EPB41L4B: variants seen among roughly 807,000 people sequenced by gnomAD.
The protein encoded by EPB41L4B is band 4.1-like protein 4B.
In EPB41L4B, 30 loss-of-function variants were observed where a neutral mutation model predicts 112.5. The ratio of observed to expected loss-of-function variants is 0.27; its 90% confidence interval spans 0.20 to 0.36. The LOEUF is 0.36. Among genes scored for constraint, EPB41L4B ranks in the 10% least tolerant of loss-of-function variants. The pLI is 1.00. For synonymous variants in EPB41L4B, 408 were observed against 439.7 expected, an observed-to-expected ratio of 0.93 and a Z score of 0.90; for missense variants, 1,024 against 1,133.3, an observed-to-expected ratio of 0.90 and a Z score of 1.38.
intron 19 of EPB41L4B, among the ~76,000 whole-genome samples, chr9:109,200,654 T>C (rs1387682124): frequency 6.6e-6 from 1 of 152,124 alleles, no homozygotes; most frequent in African/African-American, 2.4e-5. Context: ...TGAACCAGAA[T>C]GAGGGTTTGG....
intron 15 of EPB41L4B, chr9:109,241,509 A>G: frequency 1.4e-6 from 2 of 1,453,330 alleles, no homozygotes; most frequent in Non-Finnish European, 1.8e-6. Context: ...TAGTGGTTTT[A>G]TCTTCAAATA....
At chr9:109,245,019 A>T (rs764777382) in intron 14 of EPB41L4B, among the ~76,000 whole-genome samples, 1 of 152,220 alleles carries the variant, frequency 6.6e-6, no homozygotes, top group African/African-American at 2.4e-5. Context: ...GTCAGCAAGC[A>T]GACTCTGCAG....
intron 1 of EPB41L4B, among the ~76,000 whole-genome samples, chr9:109,294,383 G>A (rs375546042): frequency 1.3e-5 from 2 of 151,878 alleles, no homozygotes; most frequent in Non-Finnish European, 2.9e-5. Context: ...TTGGGAGGCC[G>A]AGGTAGGTGG....
rs557317827 is a variant in EPB41L4B at position 109,188,774 on chromosome 9, A to G, written c.2302-3169T>C. ...TTCCAGACACATGAACTTTTGACTA[A>G]CATGTCATGGCCCAGAAGGGATCTG... is the stretch of plus-strand genomic sequence containing the variant. On this transcript the variant is annotated intron_variant, in intron 22 of 25. Transcript: ENST00000374566. 2.0e-5 allele frequency among the ~76,000 whole-genome samples: 3 copies of G among 152,234 alleles called. No homozygotes were observed. The South Asian group carries it at 6.2e-4, about 32-fold the overall frequency.
At chr9:109,267,093 A>G (rs1835434800) in intron 4 of EPB41L4B, among the ~76,000 whole-genome samples, 1 of 152,220 alleles carries the variant, frequency 6.6e-6, no homozygotes, top group Non-Finnish European at 1.5e-5. Context: ...GTAACAATCA[A>G]GAGAATATTT....
At chr9:109,192,470 A>G (rs1334721305) in intron 21 of EPB41L4B, 115 bp from the exon 22 acceptor site, 4 of 645,466 alleles carry the variant, frequency 6.2e-6, no homozygotes, top group Non-Finnish European at 1.0e-5. Flanking sequence ...CTCATTAGCA[A>G]TGACAATCCC....
chr9:109,289,341 C>T (rs1417577249), intron 1 of EPB41L4B, among the ~76,000 whole-genome samples: 1 of 152,214 alleles, frequency 6.6e-6, no homozygotes, highest in Non-Finnish European at 1.5e-5. Context: ...CTAGGATGCC[C>T]TTCTCCCGCA....
chr9:109,285,176 G>A (rs1836223470), intron 1 of EPB41L4B, among the ~76,000 whole-genome samples: 1 of 152,202 alleles, frequency 6.6e-6, no homozygotes, highest in Non-Finnish European at 1.5e-5. Flanking sequence ...TTTGGTTCTG[G>A]GCTGACCATC....
At chr9:109,242,951 G>C (rs1159889762) in intron 15 of EPB41L4B, among the ~76,000 whole-genome samples, 1 of 151,600 alleles carries the variant, frequency 6.6e-6, no homozygotes, top group African/African-American at 2.4e-5. Context: ...TGGGGCCAAG[G>C]TTGGTAAATG....
At chr9:109,223,285 A>G (rs1050572442) in intron 15 of EPB41L4B, among the ~76,000 whole-genome samples, 2 of 151,948 alleles carry the variant, frequency 1.3e-5, no homozygotes, top group African/African-American at 4.8e-5. Flanking sequence ...AACAACAAAA[A>G]ATTAACCCGG....
At position 109,208,669 on chromosome 9, in the gene EPB41L4B, G is replaced by C. The variant is rs538377525; in HGVS notation, c.1753-620C>G. Among the ~76,000 whole-genome samples the C allele has an allele frequency of 3.6e-4, 55 of 152,186 alleles. 1 individual carries two copies. Among genetic ancestry groups the C allele is most frequent in the African/African-American group, 1.3e-3 (54 of 41,492 alleles). ...TACCCTGGGACCACCTATTTGAACT[G>C]TGTCCAAAGCAATAATATCTTTGAA... is the stretch of plus-strand genomic sequence containing the variant. On this transcript the variant is annotated intron_variant, in intron 17 of 25. Transcript: ENST00000374566.
At chr9:109,289,866 C>T (rs1230608615) in intron 1 of EPB41L4B, among the ~76,000 whole-genome samples, 1 of 151,886 alleles carries the variant, frequency 6.6e-6, no homozygotes, top group African/African-American at 2.4e-5. Flanking sequence ...AAATTGCATC[C>T]TATTTAAATT....
intron 15 of EPB41L4B, among the ~76,000 whole-genome samples, chr9:109,221,619 G>C (rs1833575984): frequency 6.6e-6 from 1 of 152,178 alleles, no homozygotes; most frequent in African/African-American, 2.4e-5. Flanking sequence ...GATATGGAAG[G>C]GTCAGAAAAC....
chr9:109,192,337 C>T lies in EPB41L4B; in HGVS notation c.2242G>A (p.Gly748Ser), dbSNP rs1163561188. 1.2e-6 allele frequency: 2 copies of T among 1,612,122 alleles called. No homozygotes were observed. The highest frequency in any genetic ancestry group is 1.7e-6 in the Non-Finnish European group (2 of 1,179,062). ...PGAKSPSDRGGAFTLEPGDLL... is the reference protein window; with the variant it reads ...PGAKSPSDRGSAFTLEPGDLL... Reference sequence around the variant, plus strand: ...TCACCCGGCTCCAGGGTAAAGGCACCTCCTCGGTCAGAGGGGCTCTAGGGA... The same window carrying T: ...TCACCCGGCTCCAGGGTAAAGGCACTTCCTCGGTCAGAGGGGCTCTAGGGA... The change falls in exon 22 of 26, where the codon GGT (glycine) becomes AGT (serine). Residue 748 changes from glycine (G) to serine (S), a missense_variant. Transcript: ENST00000374566.
At chr9:109,213,863 CAG>C (rs775250177) in intron 16 of EPB41L4B, 45 bp from the exon 17 acceptor site, 391 of 1,550,908 alleles carry the variant, frequency 2.5e-4, no homozygotes, top group Non-Finnish European at 3.3e-4. Context: ...GTTGAAAGGA[CAG>C]ATAGATACAG....
chr9:109,315,252 G>A (rs181713050), intron 1 of EPB41L4B, among the ~76,000 whole-genome samples: 1 of 152,164 alleles, frequency 6.6e-6, no homozygotes, highest in Admixed American at 6.5e-5. Context: ...CACAGTTCTA[G>A]GGCCAGGGTT....
At chr9:109,179,161 C>T (rs1167144795) in intron 24 of EPB41L4B, among the ~76,000 whole-genome samples, 2 of 152,176 alleles carry the variant, frequency 1.3e-5, no homozygotes, top group Admixed American at 6.5e-5. Flanking sequence ...CCAACATACT[C>T]GGCTGAGTAT....
Position 109,279,981 on chromosome 9 carries a change from AG to A in EPB41L4B, c.307-61del, listed in dbSNP as rs1835974595. On this transcript the variant is annotated intron_variant, in intron 1 of 25. Transcript: ENST00000374566. ...GTGAGACAGCTAGATAAGAAAAAAA[AG>A]GTTAAAAAAAACCTACTTCTCTTTG... 2.1e-5 allele frequency: 28 copies of A among 1,351,386 alleles called. 1 individual carries two copies. The South Asian group carries it at 3.5e-4, about 17-fold the overall frequency. 83.7% of individuals were successfully genotyped at this position (1,351,386 alleles called of 1,614,324 possible).
chr9:109,190,610 C>T (rs1016810672), intron 22 of EPB41L4B, among the ~76,000 whole-genome samples: 3 of 152,238 alleles, frequency 2.0e-5, no homozygotes, highest in Non-Finnish European at 4.4e-5. Flanking sequence ...GGCATCTGAC[C>T]CGCTTTGAGG....
Sources: gnomAD v4.1 joint callset for allele counts (sites outside exome capture counted in the v4.1 genomes callset) on GRCh38, gnomAD v4.1.1 for gene constraint, MANE v1.5 for transcripts, NCBI Gene and HGNC (gene_info 2026-07-23, HGNC 2026-07-21) for gene names.